The following NEGR1 variants were observed in gnomAD, a reference collection of about 807,000 sequenced individuals.
The protein encoded by NEGR1 is neuronal growth regulator 1.
A neutral mutation model predicts 40.9 loss-of-function variants in NEGR1; 10 were observed. That is an observed-to-expected ratio of 0.24 (90% CI 0.15 to 0.42). The LOEUF (loss-of-function observed/expected upper bound fraction) is 0.42. NEGR1 is among the 10% of genes least tolerant of loss of function. The pLI is 1.00. For synonymous variants in NEGR1, 185 were observed against 166.8 expected (o/e 1.11, Z -0.84); for missense variants, 352 against 438.9 (o/e 0.80, Z 1.77).
At chr1:72,097,237 C>T (rs1280849649) in intron 1 of NEGR1, among the ~76,000 whole-genome samples, 2 of 152,162 alleles carry the variant, frequency 1.3e-5, no homozygotes, top group African/African-American at 4.8e-5. Flanking sequence ...TGTTTAATCT[C>T]ACTGTGTCTC....
chr1:71,775,928 G>C (rs751196204), intron 3 of NEGR1, among the ~76,000 whole-genome samples: 8 of 151,688 alleles, frequency 5.3e-5, no homozygotes, highest in Non-Finnish European at 1.2e-4. Flanking sequence ...GGGAGGCGGA[G>C]GTTGCAGTGA....
chr1:71,975,693 T>A (rs1435915577), intron 1 of NEGR1, among the ~76,000 whole-genome samples: 1 of 152,220 alleles, frequency 6.6e-6, no homozygotes, highest in Non-Finnish European at 1.5e-5. Context: ...CTCTTCACTG[T>A]ACTGAGCTGA....
chr1:72,257,321 CAAA>C (rs34220734), intron 1 of NEGR1, among the ~76,000 whole-genome samples: 5 of 57,134 alleles, frequency 8.8e-5, no homozygotes, highest in African/African-American at 2.0e-4. Flanking sequence ...GACTCTGTCT[CAAA>C]AAAAAAAAAA....
intron 6 of NEGR1, among the ~76,000 whole-genome samples, chr1:71,543,987 G>A (rs1262041887): frequency 6.6e-6 from 1 of 151,486 alleles, no homozygotes. Context: ...TTGTTTGTTT[G>A]ACTTCCTTGT....
At chr1:71,600,448 A>G (rs1395403639) in intron 5 of NEGR1, among the ~76,000 whole-genome samples, 1 of 152,156 alleles carries the variant, frequency 6.6e-6, no homozygotes, top group Non-Finnish European at 1.5e-5. Flanking sequence ...GGTAGAAAAA[A>G]TCTCGTTGTG....
chr1:71,475,678 G>A (rs1646814848), intron 6 of NEGR1, among the ~76,000 whole-genome samples: 1 of 151,946 alleles, frequency 6.6e-6, no homozygotes, highest in Non-Finnish European at 1.5e-5. Context: ...ATTTGCTTAA[G>A]CCAGAATAAA....
chr1:71,823,425 A>AT (rs1658505774), intron 2 of NEGR1, among the ~76,000 whole-genome samples: 1 of 151,952 alleles, frequency 6.6e-6, no homozygotes, highest in Admixed American at 6.6e-5. Context: ...GTGATAGGGA[A>AT]TTGAAGTTGA....
chr1:72,085,104 A>G (rs1648161755), intron 1 of NEGR1, among the ~76,000 whole-genome samples: 1 of 152,214 alleles, frequency 6.6e-6, no homozygotes, highest in Admixed American at 6.5e-5. Flanking sequence ...AGGTTAAAAA[A>G]TCCAAGTGAT....
At chr1:72,260,774 T>C (rs1276297657) in intron 1 of NEGR1, among the ~76,000 whole-genome samples, 1 of 152,122 alleles carries the variant, frequency 6.6e-6, no homozygotes, top group East Asian at 1.9e-4. Flanking sequence ...TGATTCAGTA[T>C]TTCATCCTAC....
chr1:71,572,144 G>A (rs1024727134), intron 6 of NEGR1, among the ~76,000 whole-genome samples: 1 of 152,108 alleles, frequency 6.6e-6, no homozygotes, highest in Non-Finnish European at 1.5e-5. Context: ...TTATTCATTA[G>A]AGTTTAAAAC....
In NEGR1 at chr1:71,404,140, G is replaced by A. The variant is rs919872156; in HGVS notation, c.*3306C>T. On this transcript the variant is annotated 3_prime_UTR_variant, in exon 7 of 7. Coordinates refer to ENST00000357731, the MANE Select transcript of NEGR1 (RefSeq NM_173808.3). Reference sequence around the variant, plus strand: ...TTTTCAGAGTTTTCTGACTTCAAATGTAGGGGTATTTATATATATATATAT... The same window carrying A: ...TTTTCAGAGTTTTCTGACTTCAAATATAGGGGTATTTATATATATATATAT... The A allele has an allele frequency of 5.1e-5, 9 of 177,498 alleles. No homozygotes were observed. The highest frequency in any genetic ancestry group is 1.2e-5 in the Non-Finnish European group (1 of 85,744). 11.0% of individuals were successfully genotyped at this position (177,498 alleles called of 1,614,324 possible).
At chr1:71,923,504 G>A (rs17838073) in intron 2 of NEGR1, among the ~76,000 whole-genome samples, 3,542 of 152,130 alleles carry the variant, frequency 0.023, 128 homozygotes, top group African/African-American at 0.079. Context: ...GAATGTGCAC[G>A]GGGAGTGTAT....
At chr1:71,785,256 G>T (rs1656869760) in intron 2 of NEGR1, among the ~76,000 whole-genome samples, 1 of 152,142 alleles carries the variant, frequency 6.6e-6, no homozygotes, top group African/African-American at 2.4e-5. Context: ...AATCTACAAT[G>T]CCTGCATAAT....
chr1:72,079,626 G>A (rs1385425848), intron 1 of NEGR1, among the ~76,000 whole-genome samples: 1 of 152,004 alleles, frequency 6.6e-6, no homozygotes, highest in African/African-American at 2.4e-5. Context: ...TAGGTAAGAT[G>A]TGCCATTTCT....
intron 1 of NEGR1, among the ~76,000 whole-genome samples, chr1:72,179,826 A>G (rs1005673200): frequency 1.1e-4 from 16 of 152,084 alleles, no homozygotes; most frequent in Non-Finnish European, 2.1e-4. Flanking sequence ...AAATTTAACC[A>G]AGGAAGTGAA....
intron 1 of NEGR1, among the ~76,000 whole-genome samples, chr1:72,018,751 A>C (rs1646732673): frequency 6.6e-6 from 1 of 152,188 alleles, no homozygotes; most frequent in Admixed American, 6.5e-5. Flanking sequence ...GTATGGCTGC[A>C]GTGAGCTCAG....
At chr1:71,965,787 C>G (rs776465757) in intron 1 of NEGR1, among the ~76,000 whole-genome samples, 5 of 152,024 alleles carry the variant, frequency 3.3e-5, no homozygotes, top group Non-Finnish European at 5.9e-5. Context: ...ATCTAAATCA[C>G]CTGAAAAATA....
chr1:72,146,845 A>C lies in NEGR1; in HGVS notation c.176+135474T>G, dbSNP rs1412161692. Among the ~76,000 whole-genome samples the C allele has an allele frequency of 4.6e-5, 7 of 152,314 alleles. No individual in the cohort carries two copies. In the East Asian group the frequency reaches 1.4e-3, roughly 29 times the overall value. ...TGCCTAAGTGCACACAGCAAATGCCATTTACAGGTAATCACATAATTAAGT... is the reference window on the plus strand; with the variant it reads ...TGCCTAAGTGCACACAGCAAATGCCCTTTACAGGTAATCACATAATTAAGT... On this transcript the variant is annotated intron_variant, in intron 1 of 6. Transcript: ENST00000357731.
At chr1:71,489,257 G>A (rs1646908769) in intron 6 of NEGR1, among the ~76,000 whole-genome samples, 1 of 151,802 alleles carries the variant, frequency 6.6e-6, no homozygotes, top group Non-Finnish European at 1.5e-5. Flanking sequence ...CTCCCAGGTA[G>A]ATTGGAGGTT....
Sources: allele counts gnomAD v4.1 joint callset (sites outside exome capture counted in the v4.1 genomes callset), GRCh38; gene constraint gnomAD v4.1.1; transcripts MANE v1.5; gene names NCBI Gene and HGNC (gene_info 2026-07-23, HGNC 2026-07-21).